Variants in KAZN observed in about 807,000 individuals in gnomAD.
The protein encoded by KAZN is kazrin.
Under a neutral mutation model 87.4 loss-of-function variants are expected in KAZN, and 40 were observed. That is an observed-to-expected ratio of 0.46 (90% confidence interval 0.36 to 0.60). KAZN has a LOEUF of 0.60. Ranked by LOEUF, KAZN falls within the 20% of genes least tolerant of loss-of-function variation. KAZN has a pLI of 0.00. For missense variants in KAZN, 898 were observed against 1,073.9 expected (o/e 0.84, Z 2.29); for synonymous variants, 466 against 458.3 (o/e 1.02, Z -0.22).
intron 2 of KAZN, among the ~76,000 whole-genome samples, chr1:14,188,596 T>C (rs1022769579): frequency 9.9e-5 from 15 of 151,998 alleles, no homozygotes; most frequent in African/African-American, 3.4e-4. Flanking sequence ...ATGAGGAAAG[T>C]GTAGAGCTGT....
rs1640805564 is a variant in KAZN at position 15,096,397 on chromosome 1, G to C, written c.1547+1464G>C. Reference sequence around the variant, plus strand: ...CTAAAAGCCACTTTGATTTTGAAGAGAAGAAATGCATGGGGGGAGGACGTC... The same window carrying C: ...CTAAAAGCCACTTTGATTTTGAAGACAAGAAATGCATGGGGGGAGGACGTC... On this transcript the variant is annotated intron_variant, in intron 10 of 14. Transcript: ENST00000376030. This position sits in a 1 kb window ranked among gnomAD's most constrained non-coding sequence, Gnocchi z 4.5. Among the ~76,000 whole-genome samples, 1 of 152,234 alleles carries C rather than the reference G, an allele frequency of 6.6e-6. No homozygotes were observed. The highest frequency in any genetic ancestry group is 6.5e-5 in the Admixed American group (1 of 15,290).
At chr1:14,293,299 T>C (rs949846517) in intron 2 of KAZN, among the ~76,000 whole-genome samples, 2 of 152,212 alleles carry the variant, frequency 1.3e-5, no homozygotes, top group African/African-American at 4.8e-5. Flanking sequence ...CCATGAATGA[T>C]GCAAATTACT....
intron 2 of KAZN, among the ~76,000 whole-genome samples, chr1:14,580,565 G>A (rs1171655960): frequency 6.6e-6 from 1 of 152,178 alleles, no homozygotes; most frequent in Non-Finnish European, 1.5e-5. Flanking sequence ...TGTGGCTGAC[G>A]TTAGTGGATA....
chr1:15,092,357 G>A (rs990851927), intron 8 of KAZN, among the ~76,000 whole-genome samples: 30 of 152,190 alleles, frequency 2.0e-4, no homozygotes, highest in African/African-American at 6.5e-4. Context: ...TTACAGGCAT[G>A]AGCCACTGTG....
intron 2 of KAZN, among the ~76,000 whole-genome samples, chr1:14,297,991 C>T (rs371483152): frequency 7.2e-5 from 11 of 152,058 alleles, no homozygotes; most frequent in African/African-American, 2.2e-4. Flanking sequence ...TTTGGGAGGC[C>T]GAGGCAGGCA....
chr1:14,985,347 T>C (rs775505883), intron 2 of KAZN, among the ~76,000 whole-genome samples: 11 of 145,950 alleles, frequency 7.5e-5, no homozygotes, highest in African/African-American at 2.6e-4. Context: ...TTGGGCAACA[T>C]AGGGAGACCT....
intron 2 of KAZN, among the ~76,000 whole-genome samples, chr1:15,005,661 G>A (rs978978025): frequency 1.3e-5 from 2 of 151,818 alleles, no homozygotes; most frequent in Admixed American, 6.6e-5. Flanking sequence ...AGTGGCACAC[G>A]CTTATAATCT....
intron 1 of KAZN, among the ~76,000 whole-genome samples, chr1:14,662,903 A>AAT (rs1027520221): frequency 2.1e-5 from 3 of 144,552 alleles, no homozygotes; most frequent in South Asian, 2.1e-4. Context: ...TATATATGTA[A>AAT]ATATATATAT....
At chr1:14,366,728 G>A (rs1245270277) in intron 2 of KAZN, among the ~76,000 whole-genome samples, 4 of 152,176 alleles carry the variant, frequency 2.6e-5, no homozygotes, top group African/African-American at 9.7e-5. Context: ...TTTGAGCTCT[G>A]CCATCCACGG....
At chr1:13,967,493 TG>T (rs1327386290) in intron 1 of KAZN, among the ~76,000 whole-genome samples, 1 of 152,078 alleles carries the variant, frequency 6.6e-6, no homozygotes, top group African/African-American at 2.4e-5. Context: ...CAGTGTGGCC[TG>T]GGGGGAAATA....
At chr1:15,003,117 C>T (rs1262617080) in intron 2 of KAZN, among the ~76,000 whole-genome samples, 2 of 152,074 alleles carry the variant, frequency 1.3e-5, no homozygotes, top group Non-Finnish European at 2.9e-5. Flanking sequence ...ACGGCTGGGA[C>T]GGGGCAGAGC....
At chr1:13,907,753 G>A (rs908730438) in intron 1 of KAZN, among the ~76,000 whole-genome samples, 3 of 152,166 alleles carry the variant, frequency 2.0e-5, no homozygotes, top group African/African-American at 7.2e-5. Context: ...GCAACCTTCA[G>A]ACTGGCTTCT....
At chr1:13,966,747 A>G (rs1024361895) in intron 1 of KAZN, among the ~76,000 whole-genome samples, 2 of 152,240 alleles carry the variant, frequency 1.3e-5, no homozygotes, top group African/African-American at 4.8e-5. Context: ...AATGAAACAC[A>G]GTATAATATA....
At chr1:14,381,439 A>G (rs574945598) in intron 2 of KAZN, among the ~76,000 whole-genome samples, 62 of 152,312 alleles carry the variant, frequency 4.1e-4, no homozygotes, top group African/African-American at 1.4e-3. Context: ...AAAACACTAG[A>G]AAACCGACTT....
At chr1:14,643,758 G>C (rs1448050257) in intron 1 of KAZN, among the ~76,000 whole-genome samples, 2 of 152,080 alleles carry the variant, frequency 1.3e-5, no homozygotes, top group Non-Finnish European at 2.9e-5. Context: ...TTCCACAATG[G>C]TTGAACTAAT....
intron 2 of KAZN, among the ~76,000 whole-genome samples, chr1:14,244,047 T>C (rs1490553332): frequency 6.6e-5 from 10 of 152,204 alleles, no homozygotes; most frequent in Non-Finnish European, 1.2e-4. Flanking sequence ...GATAAAGTAA[T>C]AGAAACAACA....
chr1:14,182,153 A>T (rs1450896465), intron 2 of KAZN, among the ~76,000 whole-genome samples: 2 of 152,102 alleles, frequency 1.3e-5, no homozygotes, highest in Non-Finnish European at 2.9e-5. Flanking sequence ...TCGTGTAGGA[A>T]TATTTTCTTA....
At chr1:14,699,162 T>C (rs1014765008) in intron 1 of KAZN, among the ~76,000 whole-genome samples, 6 of 150,984 alleles carry the variant, frequency 4.0e-5, no homozygotes, top group African/African-American at 1.5e-4. Flanking sequence ...CATGAGATCC[T>C]CCAAGGACAA....
chr1:14,260,328 A>G (rs1328549155), intron 2 of KAZN, among the ~76,000 whole-genome samples: 3 of 152,204 alleles, frequency 2.0e-5, no homozygotes, highest in African/African-American at 7.2e-5. Context: ...TGCTTGGAGA[A>G]CAGGAAGACT....
Sources: allele counts gnomAD v4.1 joint callset (sites outside exome capture counted in the v4.1 genomes callset), GRCh38; gene constraint gnomAD v4.1.1; non-coding constraint Gnocchi (gnomAD v3.1); transcripts MANE v1.5; gene names NCBI Gene and HGNC (gene_info 2026-07-23, HGNC 2026-07-21).